Variants in KCNH1 observed in about 807,000 individuals in gnomAD.
KCNH1 encodes voltage-gated delayed rectifier potassium channel KCNH1.
KCNH1 carries 27 observed loss-of-function variants against 69.2 expected under a neutral mutation model. The ratio of observed to expected loss-of-function variants is 0.39; its 90% CI spans 0.29 to 0.54. The LOEUF (loss-of-function observed/expected upper bound fraction) is 0.54. Among genes scored for constraint, KCNH1 ranks in the 20% least tolerant of loss-of-function variants. The pLI, the probability that KCNH1 is intolerant of heterozygous loss-of-function variation, is 0.68. For synonymous variants in KCNH1, 456 were observed against 487.7 expected (o/e 0.93, Z 0.86); for missense variants, 798 against 1,261.6 (o/e 0.63, Z 5.57).
chr1:211,072,588 A>T (rs1690665294), intron 5 of KCNH1, among the ~76,000 whole-genome samples: 1 of 152,230 alleles, frequency 6.6e-6, no homozygotes, highest in Non-Finnish European at 1.5e-5. Flanking sequence ...TAAAGCAATG[A>T]TACAAGGAAT....
In KCNH1 at chr1:210,836,620, T is replaced by C. The variant is rs548093443; in HGVS notation, c.1463-32454A>G. 3.3e-5 allele frequency among the ~76,000 whole-genome samples: 5 copies of C among 152,298 alleles called. No homozygotes were observed. In the South Asian group the frequency reaches 1.0e-3, roughly 32 times the overall value. On this transcript the variant is annotated intron_variant, in intron 7 of 10. Coordinates refer to ENST00000271751, the MANE Select transcript of KCNH1 (RefSeq NM_172362.3). ...ATCCCCATCAGGAACATGAAAACCA[T>C]GTATAAGTCACAGCACTTCCGCAGT...
chr1:211,056,306 G>T (rs910416105), intron 5 of KCNH1, among the ~76,000 whole-genome samples: 2 of 152,066 alleles, frequency 1.3e-5, no homozygotes, highest in African/African-American at 4.8e-5. Flanking sequence ...GTGGCTACAA[G>T]CCTTGAGAAA....
At chr1:210,688,966 GC>G (rs550336531) in intron 10 of KCNH1, among the ~76,000 whole-genome samples, 172 of 152,316 alleles carry the variant, frequency 1.1e-3, no homozygotes, top group Non-Finnish European at 2.1e-3. Context: ...AGTCCTGCCA[GC>G]CCACAGGGGC....
At chr1:210,996,177 G>A (rs1478482173) in intron 6 of KCNH1, among the ~76,000 whole-genome samples, 1 of 152,200 alleles carries the variant, frequency 6.6e-6, no homozygotes, top group East Asian at 1.9e-4. Flanking sequence ...AGCCGAAGCA[G>A]GGTGAGGCAT....
In KCNH1 at chr1:210,695,922, C is replaced by A. The variant is rs535511123; in HGVS notation, c.2113-11784G>T. 7.9e-5 allele frequency among the ~76,000 whole-genome samples: 12 copies of A among 152,338 alleles called. No individual in the cohort carries two copies. The South Asian group carries it at 2.1e-3, about 26-fold the overall frequency. ...TCCTGTTAGGGTCTGCCAGTGGCAG[C>A]TCTGGCAGACTGACAGGCGGGAGGA... On this transcript the variant is annotated intron_variant, in intron 10 of 10. Transcript: ENST00000271751.
At chr1:210,853,750 T>C (rs1428197092) in intron 7 of KCNH1, among the ~76,000 whole-genome samples, 1 of 152,130 alleles carries the variant, frequency 6.6e-6, no homozygotes, top group Non-Finnish European at 1.5e-5. Context: ...GATCCATTGT[T>C]AGTCCTGTCT....
intron 7 of KCNH1, among the ~76,000 whole-genome samples, chr1:210,829,220 C>T (rs1352744406): frequency 6.6e-6 from 1 of 152,160 alleles, no homozygotes; most frequent in Non-Finnish European, 1.5e-5. Context: ...CTAGCTTATC[C>T]TTCTAAGAAG....
At chr1:211,084,297 T>G (rs1690913349) in intron 4 of KCNH1, among the ~76,000 whole-genome samples, 1 of 152,142 alleles carries the variant, frequency 6.6e-6, no homozygotes, top group African/African-American at 2.4e-5. Flanking sequence ...GAAACTGGAT[T>G]CTAAAAAGCT....
At chr1:210,878,822 G>A (rs1686434536) in intron 7 of KCNH1, among the ~76,000 whole-genome samples, 1 of 151,780 alleles carries the variant, frequency 6.6e-6, no homozygotes, top group Non-Finnish European at 1.5e-5. Context: ...AATCAATAGA[G>A]AAAATCAACA....
chr1:211,026,073 C>A (rs1222554939), intron 5 of KCNH1, among the ~76,000 whole-genome samples: 4 of 152,142 alleles, frequency 2.6e-5, no homozygotes, highest in Non-Finnish European at 5.9e-5. Flanking sequence ...TCGTTACTCC[C>A]ACGACCTGGT....
intron 7 of KCNH1, among the ~76,000 whole-genome samples, chr1:210,901,746 G>A (rs1468720667): frequency 6.6e-6 from 1 of 152,218 alleles, no homozygotes; most frequent in Non-Finnish European, 1.5e-5. Context: ...AGCTGCTTTA[G>A]CAGTTCAAGG....
intron 5 of KCNH1, among the ~76,000 whole-genome samples, chr1:211,044,933 TA>T: frequency 6.6e-6 from 1 of 151,428 alleles, no homozygotes; most frequent in African/African-American, 2.4e-5. Context: ...AGTCATTATA[TA>T]AAAAGGATGC....
intron 5 of KCNH1, among the ~76,000 whole-genome samples, chr1:211,053,957 AG>A (rs1298971649): frequency 1.3e-5 from 2 of 152,204 alleles, no homozygotes; most frequent in Non-Finnish European, 2.9e-5. Context: ...ATAACTACAC[AG>A]AATTTCCAGA....
intron 6 of KCNH1, among the ~76,000 whole-genome samples, chr1:210,922,676 C>T (rs1307617982): frequency 6.6e-6 from 1 of 152,086 alleles, no homozygotes; most frequent in East Asian, 1.9e-4. Context: ...TGAGAAAATC[C>T]CTTATACTAA....
Position 211,132,294 on chromosome 1 carries a change from T to C in KCNH1, c.79+1573A>G, listed in dbSNP as rs570234762. On this transcript the variant is annotated intron_variant, in intron 1 of 10. Coordinates refer to ENST00000271751, the MANE Select transcript of KCNH1 (RefSeq NM_172362.3). ...AGCAATAATAGCACAGTAACTCTTA[T>C]TTTATTTAAAAATAAATGAACAACT... Among the ~76,000 whole-genome samples the C allele has an allele frequency of 1.2e-3, 185 of 152,358 alleles. 1 individual carries two copies. Among genetic ancestry groups the C allele is most frequent in the African/African-American group, 4.0e-3 (167 of 41,578 alleles).
chr1:210,862,219 A>G lies in KCNH1; in HGVS notation c.1462+57421T>C, dbSNP rs962700116. On this transcript the variant is annotated intron_variant, in intron 7 of 10. Coordinates refer to ENST00000271751, the MANE Select transcript of KCNH1 (RefSeq NM_172362.3). ...GTGTGCTTCATTGAGCTGGCGCTCC[A>G]TGGCCTCTTGCAGGGCTGGGTCCAT... is the stretch of plus-strand genomic sequence containing the variant. 8 of 1,175,770 alleles carry G rather than the reference A, an allele frequency of 6.8e-6. No homozygotes were observed. The South Asian group carries it at 7.3e-5, about 11-fold the overall frequency. The allele number at this position is 1,175,770 out of a possible 1,614,324, so 72.8% of individuals were successfully genotyped here.
intron 5 of KCNH1, among the ~76,000 whole-genome samples, chr1:211,071,931 A>T (rs1328001766): frequency 6.6e-6 from 1 of 152,200 alleles, no homozygotes; most frequent in Non-Finnish European, 1.5e-5. Flanking sequence ...TTGGGAGGAA[A>T]AAAAAACCCA....
At chr1:211,046,385 T>C (rs74156878) in intron 5 of KCNH1, among the ~76,000 whole-genome samples, 3,365 of 152,250 alleles carry the variant, frequency 0.022, 124 homozygotes, top group African/African-American at 0.077. Flanking sequence ...ATGTAGACCA[T>C]GTAATAGCAT....
At chr1:211,108,778 C>A (rs1691407190) in intron 1 of KCNH1, among the ~76,000 whole-genome samples, 1 of 152,146 alleles carries the variant, frequency 6.6e-6, no homozygotes, top group African/African-American at 2.4e-5. Context: ...ATCTATAAAG[C>A]TACTATTTTT....
Sources: gnomAD v4.1 joint callset for allele counts (sites outside exome capture counted in the v4.1 genomes callset) on GRCh38, gnomAD v4.1.1 for gene constraint, MANE v1.5 for transcripts, NCBI Gene and HGNC (gene_info 2026-07-23, HGNC 2026-07-21) for gene names.